Variants in NDST3 observed in about 807,000 individuals in gnomAD.
NDST3 encodes the protein N-deacetylase and N-sulfotransferase 3.
A neutral mutation model predicts 96.1 loss-of-function variants in NDST3; 58 were observed. The observed-to-expected ratio is 0.60, with a 90% CI of 0.49 to 0.75. NDST3 has a LOEUF of 0.75. Among genes scored for constraint, NDST3 ranks in the 30% least tolerant of loss-of-function variants. The probability of loss-of-function intolerance (pLI) is 0.00; values close to 1 mark genes in which losing one functional copy is unlikely to be tolerated. For synonymous variants in NDST3, 333 were observed against 359.7 expected (o/e 0.93, Z 0.84); for missense variants, 788 against 1,034.2 (o/e 0.76, Z 3.27).
rs753197043 is a variant in NDST3, at chr4:118,138,038, A to AT, written c.1225-13dup. On this transcript the variant is annotated splice_polypyrimidine_tract_variant and intron_variant, in intron 4 of 13. Transcript: ENST00000296499. ...TAAATCTTTACACGCTCCAATTAACATTTGCTTGGTCTTAGGAGCACGGCA... is the reference window on the plus strand; with the variant it reads ...TAAATCTTTACACGCTCCAATTAACATTTTGCTTGGTCTTAGGAGCACGGCA... 6.4e-7 allele frequency: 1 copy of AT among 1,566,816 alleles called. No homozygotes were observed. The highest frequency in any genetic ancestry group is 1.2e-5 in the South Asian group (1 of 83,216).
chr4:118,149,271 G>T lies in NDST3; in HGVS notation c.1539+5587G>T, dbSNP rs1056961108. 3.9e-4 allele frequency among the ~76,000 whole-genome samples: 59 copies of T among 151,380 alleles called. 1 individual carries two copies. The highest frequency in any genetic ancestry group is 1.4e-3 in the African/African-American group (59 of 41,294). On this transcript the variant is annotated intron_variant, in intron 6 of 13. Coordinates refer to ENST00000296499, the MANE Select transcript of NDST3 (RefSeq NM_004784.3). ...TTGGTTCCATATGAACTTTAAAGTA[G>T]TTTTTTCCAATTCTGTGAAGAAAGT...
chr4:118,095,558 T>C (rs1729231266), intron 2 of NDST3, among the ~76,000 whole-genome samples: 1 of 151,864 alleles, frequency 6.6e-6, no homozygotes, highest in Non-Finnish European at 1.5e-5. Flanking sequence ...ATTCTGTTTT[T>C]TTTTTTGTGG....
At chr4:118,129,842 AT>A (rs1351033035) in intron 4 of NDST3, among the ~76,000 whole-genome samples, 9 of 151,888 alleles carry the variant, frequency 5.9e-5, no homozygotes, top group African/African-American at 2.2e-4. Flanking sequence ...CTCTAATAAT[AT>A]TTTTTTATAT....
At chr4:118,211,901 C>T (rs1738826310) in intron 6 of NDST3, among the ~76,000 whole-genome samples, 1 of 152,100 alleles carries the variant, frequency 6.6e-6, no homozygotes, top group Non-Finnish European at 1.5e-5. Context: ...CCTTCTCTTC[C>T]CTCAGGCTTG....
At chr4:118,139,373 C>T (rs1733383617) in intron 5 of NDST3, among the ~76,000 whole-genome samples, 1 of 152,194 alleles carries the variant, frequency 6.6e-6, no homozygotes, top group South Asian at 2.1e-4. Flanking sequence ...AACAGATTTC[C>T]TGTTTTGATG....
chr4:118,118,449 C>T (rs1560656004), intron 4 of NDST3, among the ~76,000 whole-genome samples: 1 of 152,196 alleles, frequency 6.6e-6, no homozygotes, highest in African/African-American at 2.4e-5. Flanking sequence ...CCTTTGCTAT[C>T]ATCATTTACA....
In NDST3 at chr4:118,251,125, A is replaced by ATTTTTTT. The variant is rs370800744; in HGVS notation, c.2400-2370_2400-2369insTTTTTTT. ...ATTTATTTATTTATTTATTATTTTTATTTTATTTTTTTTTTTTTTGAGACG... is the reference window on the plus strand; with the variant it reads ...ATTTATTTATTTATTTATTATTTTTATTTTTTTTTTTATTTTTTTTTTTTTTGAGACG... On this transcript the variant is annotated intron_variant, in intron 12 of 13. Transcript: ENST00000296499. Among the ~76,000 whole-genome samples, 6 of 111,736 alleles carry ATTTTTTT rather than the reference A, an allele frequency of 5.4e-5. 1 individual carries two copies. Among genetic ancestry groups the ATTTTTTT allele is most frequent in the Non-Finnish European group, 5.6e-5 (3 of 53,822 alleles). The allele number at this position is 111,736 out of a possible 152,430, so 73.3% of individuals were successfully genotyped here. A position where few individuals can be genotyped will look rare whatever the true frequency, so the allele number is the denominator to read the frequency against.
chr4:118,139,312 C>G (rs1733378110), intron 5 of NDST3, among the ~76,000 whole-genome samples: 1 of 152,216 alleles, frequency 6.6e-6, no homozygotes, highest in South Asian at 2.1e-4. Context: ...CCTGAAAACA[C>G]ATTTTTATCT....
intron 1 of NDST3, among the ~76,000 whole-genome samples, chr4:118,048,966 A>G (rs1209216361): frequency 3.3e-5 from 5 of 152,200 alleles, no homozygotes; most frequent in Admixed American, 2.0e-4. Context: ...GACTGACCAC[A>G]TGTTTGTTCA....
In NDST3 at chr4:118,110,067, C is replaced by T. The variant is rs149337886; in HGVS notation, c.1070-4739C>T. Among the ~76,000 whole-genome samples, 1,012 of 152,140 alleles carry T rather than the reference C, an allele frequency of 6.7e-3. 8 individuals are homozygous for T. The highest frequency in any genetic ancestry group is 0.023 in the African/African-American group (970 of 41,494). ...ATAAGAACATAGAAACTTAAAGGGG[C>T]CCAAGGTCACATAGCTTGTGAAGTG... On this transcript the variant is annotated intron_variant, in intron 3 of 13. Transcript: ENST00000296499.
At chr4:118,214,420 T>C (rs1191141136) in intron 6 of NDST3, among the ~76,000 whole-genome samples, 1 of 152,194 alleles carries the variant, frequency 6.6e-6, no homozygotes, top group Non-Finnish European at 1.5e-5. Flanking sequence ...AATAACTCAT[T>C]AATAATTTTT....
intron 10 of NDST3, among the ~76,000 whole-genome samples, chr4:118,239,160 A>G (rs1216820068): frequency 6.6e-6 from 1 of 152,222 alleles, no homozygotes; most frequent in East Asian, 1.9e-4. Context: ...GGGATGTTCC[A>G]TTCTTATTGA....
chr4:118,134,898 C>A (rs1453518999), intron 4 of NDST3, among the ~76,000 whole-genome samples: 1 of 152,142 alleles, frequency 6.6e-6, no homozygotes, highest in Non-Finnish European at 1.5e-5. Flanking sequence ...AATGAAAAGA[C>A]TAATTAGAAT....
intron 6 of NDST3, among the ~76,000 whole-genome samples, chr4:118,197,827 G>A (rs1486184749): frequency 7.0e-6 from 1 of 142,804 alleles, no homozygotes; most frequent in East Asian, 2.0e-4. Flanking sequence ...TTGAGATGGA[G>A]TCTCACTCTG....
rs532187584 is a variant in NDST3 at position 118,220,617 on chromosome 4, A to T, written c.1540-3874A>T. Among the ~76,000 whole-genome samples, 11 of 152,070 alleles carry T rather than the reference A, an allele frequency of 7.2e-5. No homozygotes were observed. In the East Asian group the frequency reaches 1.5e-3, roughly 21 times the overall value. The stretch of plus-strand genomic sequence containing the variant: ...GTATCCCGGAACTTAAAGTAAAATT[A>T]AAAAAATAAAATAAACAGGATTGAA... On this transcript the variant is annotated intron_variant, in intron 6 of 13. Coordinates refer to ENST00000296499, the MANE Select transcript of NDST3 (RefSeq NM_004784.3).
At chr4:118,092,598 C>A (rs7655439) in intron 2 of NDST3, among the ~76,000 whole-genome samples, 114,064 of 151,490 alleles carry the variant, frequency 0.75, 45,582 homozygotes, top group South Asian at 0.92. Context: ...ATTTTAGTTC[C>A]TTTTTTGGCC....
intron 2 of NDST3, among the ~76,000 whole-genome samples, chr4:118,071,306 T>A (rs1175139861): frequency 3.3e-5 from 5 of 152,112 alleles, no homozygotes; most frequent in Admixed American, 3.3e-4. Context: ...GCAAGTTTGT[T>A]ATATGGTATA....
At chr4:118,071,300 G>C (rs1275694872) in intron 2 of NDST3, among the ~76,000 whole-genome samples, 1 of 152,024 alleles carries the variant, frequency 6.6e-6, no homozygotes, top group African/African-American at 2.4e-5. Context: ...ACATGTGCAA[G>C]TTTGTTATAT....
At chr4:118,249,761 C>CACACACACACACACA (rs1491123278) in intron 12 of NDST3, among the ~76,000 whole-genome samples, 3 of 151,588 alleles carry the variant, frequency 2.0e-5, no homozygotes, top group Admixed American at 6.6e-5. Context: ...CACACACACA[C>CACACACACACACACA]ATTAGATCAC....
Sources: allele counts gnomAD v4.1 joint callset (sites outside exome capture counted in the v4.1 genomes callset), GRCh38; gene constraint gnomAD v4.1.1; transcripts MANE v1.5; gene names NCBI Gene and HGNC (gene_info 2026-07-23, HGNC 2026-07-21).